Variants in CDC42BPA observed in about 807,000 individuals in gnomAD.
The protein encoded by CDC42BPA is CDC42 binding protein kinase alpha, also known as serine/threonine-protein kinase MRCK alpha.
In CDC42BPA, 80 loss-of-function variants were observed where a neutral mutation model predicts 223.5. That is an observed-to-expected ratio of 0.36 (90% confidence interval 0.30 to 0.43). The LOEUF is 0.43. Among genes scored for constraint, CDC42BPA ranks in the 20% least tolerant of loss-of-function variants. The pLI is 1.00. For missense variants in CDC42BPA, 1,743 were observed against 2,099.9 expected, an observed-to-expected ratio of 0.83 and a Z score of 3.32; for synonymous variants, 694 against 718.6, an observed-to-expected ratio of 0.97 and a Z score of 0.55.
At chr1:227,097,415 T>A (rs1018610380) in intron 15 of CDC42BPA, among the ~76,000 whole-genome samples, 2 of 152,202 alleles carry the variant, frequency 1.3e-5, no homozygotes, top group African/African-American at 2.4e-5. Context: ...TGACAGACTT[T>A]ATATGCTTTC....
intron 6 of CDC42BPA, among the ~76,000 whole-genome samples, chr1:227,160,090 T>A (rs73086756): frequency 1.2e-4 from 19 of 152,324 alleles, no homozygotes; most frequent in African/African-American, 4.6e-4. Context: ...TAAATCAACT[T>A]GTGAACTTTC....
chr1:227,030,295 T>G, intron 29 of CDC42BPA, 113 bp downstream of exon 29: 1 of 658,904 alleles, frequency 1.5e-6, no homozygotes, highest in Admixed American at 3.2e-5. Flanking sequence ...TGGAAAATTT[T>G]AGTCGCAGGA....
chr1:227,159,413 G>A (rs1003982934), intron 6 of CDC42BPA, among the ~76,000 whole-genome samples: 16 of 152,086 alleles, frequency 1.1e-4, no homozygotes, highest in African/African-American at 3.9e-4. Flanking sequence ...TTGAACTCAG[G>A]AGGCGGAGGT....
chr1:227,250,549 C>T (rs1030401333), intron 2 of CDC42BPA, among the ~76,000 whole-genome samples: 3 of 151,826 alleles, frequency 2.0e-5, no homozygotes, highest in Non-Finnish European at 4.4e-5. Flanking sequence ...CAATAAAATG[C>T]TATTGCTTGT....
intron 2 of CDC42BPA, among the ~76,000 whole-genome samples, chr1:227,231,609 A>C (rs1199384690): frequency 6.6e-6 from 1 of 151,820 alleles, no homozygotes; most frequent in Non-Finnish European, 1.5e-5. Flanking sequence ...ACAGTGTAAA[A>C]GCGTTCCTAT....
At chr1:227,210,971 G>A (rs1366858066) in intron 3 of CDC42BPA, among the ~76,000 whole-genome samples, 2 of 152,148 alleles carry the variant, frequency 1.3e-5, no homozygotes, top group Non-Finnish European at 2.9e-5. Flanking sequence ...AGAGCTCCCA[G>A]TGGAATCAAC....
chr1:227,231,352 C>T (rs75110024), intron 2 of CDC42BPA, among the ~76,000 whole-genome samples: 78,579 of 151,530 alleles, frequency 0.52, 20,438 homozygotes, highest in South Asian at 0.61. Flanking sequence ...ATGGTGTATA[C>T]GTGCCACATT....
In CDC42BPA at chr1:227,064,970, A is replaced by G. The variant is rs567367585; in HGVS notation, c.2904+4807T>C. ...AAATTAGCCGGGCGTGGTGGTGGGC[A>G]CCTGTGGTCCCAGCTACTCGGGAGG... is the stretch of plus-strand genomic sequence containing the variant. On this transcript the variant is annotated intron_variant, in intron 21 of 36. Transcript: ENST00000366766. Among the ~76,000 whole-genome samples the G allele has an allele frequency of 1.8e-4, 27 of 151,928 alleles. No individual in the cohort carries two copies. The East Asian group carries it at 3.3e-3, about 19-fold the overall frequency.
rs1661087625 is a variant in CDC42BPA at position 226,994,113 on chromosome 1, A to AGTCGT, written c.*150_*154dup. Reference sequence around the variant, plus strand: ...GTTAGGCTGGGGGCGTGGATCTGAGAGTCGTGTCGTCAGAACTCCTGAATC... The same window carrying AGTCGT: ...GTTAGGCTGGGGGCGTGGATCTGAGAGTCGTGTCGTGTCGTCAGAACTCCTGAATC... On this transcript the variant is annotated 3_prime_UTR_variant, in exon 37 of 37. Coordinates refer to ENST00000366766, the MANE Select transcript of CDC42BPA (RefSeq NM_001394014.1). This position sits in a 1 kb window ranked among gnomAD's most constrained non-coding sequence, Gnocchi z 4.0. 3.3e-6 allele frequency: 2 copies of AGTCGT among 603,288 alleles called. No individual in the cohort carries two copies. The highest frequency in any genetic ancestry group is 6.4e-5 in the Admixed American group (2 of 31,370). The allele number at this position is 603,288 out of a possible 1,614,324, so 37.4% of individuals were successfully genotyped here. A position where few individuals can be genotyped will look rare whatever the true frequency, so the allele number is the denominator to read the frequency against.
intron 21 of CDC42BPA, chr1:227,069,517 T>C: frequency 3.6e-6 from 1 of 275,096 alleles, no homozygotes. Flanking sequence ...TAATGTTTCT[T>C]AAGGGAGATG....
At position 227,054,448 on chromosome 1, in the gene CDC42BPA, C is replaced by A. The variant is rs139087022; in HGVS notation, c.2905-2463G>T. Among the ~76,000 whole-genome samples the A allele has an allele frequency of 2.7e-3, 415 of 152,134 alleles. 6 individuals carry two copies. The highest frequency in any genetic ancestry group is 5.6e-4 in the Non-Finnish European group (38 of 67,982). On this transcript the variant is annotated intron_variant, in intron 21 of 36. Coordinates refer to ENST00000366766, the MANE Select transcript of CDC42BPA (RefSeq NM_001394014.1). The stretch of plus-strand genomic sequence containing the variant: ...TTAAGCCATTTTGTCAGTATATGGA[C>A]TAATGGAAGGTTATATCATGAAATC...
At chr1:227,177,738 C>A (rs968114130) in intron 5 of CDC42BPA, among the ~76,000 whole-genome samples, 2 of 152,090 alleles carry the variant, frequency 1.3e-5, no homozygotes, top group African/African-American at 2.4e-5. Context: ...AGCTATTATT[C>A]TTTTCTGTCC....
At chr1:227,097,840 G>A (rs188342926) in intron 15 of CDC42BPA, among the ~76,000 whole-genome samples, 65 of 152,290 alleles carry the variant, frequency 4.3e-4, no homozygotes, top group African/African-American at 1.6e-3. Context: ...CATGTGGACA[G>A]CCCACCCCAA....
At chr1:227,202,623 T>TA (rs1671978797) in intron 3 of CDC42BPA, among the ~76,000 whole-genome samples, 1 of 152,028 alleles carries the variant, frequency 6.6e-6, no homozygotes, top group Non-Finnish European at 1.5e-5. Context: ...AATTATTTTT[T>TA]AAAAATAAAA....
chr1:227,094,247 T>C (rs562908079), intron 15 of CDC42BPA, among the ~76,000 whole-genome samples: 62 of 152,276 alleles, frequency 4.1e-4, no homozygotes, highest in South Asian at 1.7e-3. Flanking sequence ...CAGAGAGGTA[T>C]TTAAAATGTG....
intron 34 of CDC42BPA, among the ~76,000 whole-genome samples, chr1:227,007,850 A>G (rs1164564475): frequency 1.3e-5 from 2 of 152,246 alleles, no homozygotes; most frequent in African/African-American, 4.8e-5. Flanking sequence ...AGTTTCAGCA[A>G]GAGAAAAGGC....
At chr1:227,153,129 C>G (rs766418143) in intron 6 of CDC42BPA, among the ~76,000 whole-genome samples, 1 of 150,734 alleles carries the variant, frequency 6.6e-6, no homozygotes, top group African/African-American at 2.4e-5. Flanking sequence ...TTTTAAAAAA[C>G]GAATAAATAG....
chr1:227,141,236 T>A (rs1659608778), intron 9 of CDC42BPA, among the ~76,000 whole-genome samples: 1 of 152,118 alleles, frequency 6.6e-6, no homozygotes, highest in East Asian at 1.9e-4. Flanking sequence ...ATGAGAAACA[T>A]AAACAAAATA....
In CDC42BPA at chr1:227,190,435, G is replaced by A. The variant is rs76868844; in HGVS notation, c.599+3351C>T. 2.2e-3 allele frequency among the ~76,000 whole-genome samples: 333 copies of A among 152,210 alleles called. 9 individuals are homozygous for A. The East Asian group carries it at 0.046, about 21-fold the overall frequency. On this transcript the variant is annotated intron_variant, in intron 5 of 36. Transcript: ENST00000366766. ...GTGAATAGCACAAAGAGTTAAATAA[G>A]GATTAGAACTGATCATTAGAAATAA... is the stretch of plus-strand genomic sequence containing the variant.
Sources: gnomAD v4.1 joint callset for allele counts (sites outside exome capture counted in the v4.1 genomes callset) on GRCh38, gnomAD v4.1.1 for gene constraint, Gnocchi (gnomAD v3.1) non-coding constraint, MANE v1.5 for transcripts, NCBI Gene and HGNC (gene_info 2026-07-23, HGNC 2026-07-21) for gene names.